The following TBCD variants were observed in gnomAD, a reference collection of about 807,000 sequenced individuals.
TBCD encodes tubulin-specific chaperone D.
A neutral mutation model predicts 169.3 loss-of-function variants in TBCD; 105 were observed. The observed-to-expected ratio is 0.62, with a 90% CI of 0.53 to 0.73. The LOEUF is 0.73. TBCD is among the 30% of genes least tolerant of loss of function. The pLI, the probability that TBCD is intolerant of heterozygous loss-of-function variation, is 0.00. For missense variants in TBCD, 1,444 were observed against 1,600.1 expected, an observed-to-expected ratio of 0.90 and a Z score of 1.66; for synonymous variants, 700 against 643.9, an observed-to-expected ratio of 1.09 and a Z score of -1.32.
At chr17:82,868,883 T>A (rs904507169) in intron 13 of TBCD, among the ~76,000 whole-genome samples, 2 of 150,688 alleles carry the variant, frequency 1.3e-5, no homozygotes, top group African/African-American at 2.5e-5. Context: ...GTGTGAAGTG[T>A]ACAGACGGCG....
At chr17:82,774,422 C>A (rs749376770) in intron 6 of TBCD, among the ~76,000 whole-genome samples, 1 of 152,228 alleles carries the variant, frequency 6.6e-6, no homozygotes, top group Non-Finnish European at 1.5e-5. Flanking sequence ...TAGTACAGAA[C>A]AAAATCGAGT....
Position 82,845,128 on chromosome 17 carries a change from G to A in TBCD, c.1319-25096G>A, listed in dbSNP as rs116221180. ...GCTGGCGCCGCGGCCTCTGTGTCAG[G>A]GCCTCTTTCCCTAGGGGCACACAGG... On this transcript the variant is annotated intron_variant, in intron 13 of 38. Transcript: ENST00000355528. Among the ~76,000 whole-genome samples the A allele has an allele frequency of 7.7e-3, 1,173 of 152,198 alleles. 14 individuals carry two copies. Among genetic ancestry groups the A allele is most frequent in the African/African-American group, 0.027 (1,121 of 41,524 alleles).
At chr17:82,766,142 T>C (rs1042057525) in intron 3 of TBCD, 125 bp from the exon 4 acceptor site, 8 of 742,996 alleles carry the variant, frequency 1.1e-5, no homozygotes, top group South Asian at 1.8e-5. Context: ...GTCACTGTAA[T>C]GTCACAGAAT....
intron 13 of TBCD, among the ~76,000 whole-genome samples, chr17:82,855,993 C>CTTTTTTTTTTTTTT (rs60978063): frequency 6.0e-5 from 4 of 66,274 alleles, no homozygotes; most frequent in African/African-American, 2.1e-4. Flanking sequence ...TCCCCCCCCA[C>CTTTTTTTTTTTTTT]TTTTTTTTTT....
chr17:82,883,863 G>A (rs1379174322), intron 14 of TBCD, among the ~76,000 whole-genome samples: 1 of 152,222 alleles, frequency 6.6e-6, no homozygotes, highest in Non-Finnish European at 1.5e-5. Flanking sequence ...CCCAGGCCCT[G>A]TCCTCGTGGC....
chr17:82,793,830 C>G (rs1417675780), intron 7 of TBCD, among the ~76,000 whole-genome samples: 1 of 152,010 alleles, frequency 6.6e-6, no homozygotes, highest in African/African-American at 2.4e-5. Flanking sequence ...CCTCCGTGTG[C>G]TGAGCCTGCG....
intron 13 of TBCD, among the ~76,000 whole-genome samples, chr17:82,850,003 C>T (rs1287344761): frequency 1.4e-5 from 2 of 142,594 alleles, no homozygotes; most frequent in East Asian, 2.0e-4. Context: ...GTTGGCTGTG[C>T]TGCTGTTGGC....
rs2145257071 is a variant in TBCD, at chr17:82,831,352, G to A, written c.1318+16418G>A. The A allele has an allele frequency of 1.9e-6, 3 of 1,614,094 alleles. No homozygotes were observed. The highest frequency in any genetic ancestry group is 2.2e-5 in the South Asian group (2 of 91,074). On this transcript the variant is annotated intron_variant, in intron 13 of 38. Transcript: ENST00000355528. This position sits in a 1 kb window ranked among gnomAD's most constrained non-coding sequence, Gnocchi z 4.6. ...CTCGACGTGTTTTCTGTTGGGGTCC[G>A]AAGGGTTTAACCTGGAAGGACTCGA...
chr17:82,836,703 A>ACAAAT (rs2054010958), intron 13 of TBCD, among the ~76,000 whole-genome samples: 1 of 148,550 alleles, frequency 6.7e-6, no homozygotes, highest in African/African-American at 2.6e-5. Context: ...AAAAAACAAA[A>ACAAAT]CAAAACAAAA....
At chr17:82,940,103 G>C (rs1001507930) in intron 37 of TBCD, among the ~76,000 whole-genome samples, 8 of 152,154 alleles carry the variant, frequency 5.3e-5, no homozygotes, top group African/African-American at 1.9e-4. Context: ...AGTGGGGAAA[G>C]TGCAGGCTCA....
Position 82,789,695 on chromosome 17 carries a change from GC to G in TBCD, c.771+7975del. Among the ~76,000 whole-genome samples the G allele has an allele frequency of 6.6e-6, 1 of 152,322 alleles. No homozygotes were observed. Among genetic ancestry groups the G allele is most frequent in the African/African-American group, 2.4e-5 (1 of 41,580 alleles). On this transcript the variant is annotated intron_variant, in intron 7 of 38. Transcript: ENST00000355528. The surrounding 1 kb of genome is among the most constrained non-coding windows in gnomAD (Gnocchi z 4.8). Reference sequence around the variant, plus strand: ...TCCCTCTAAGGCAGATGTCCCTCAGGCTTTGGTCCTGGCTGTTGATATCTCA... The same window carrying G: ...TCCCTCTAAGGCAGATGTCCCTCAGGTTTGGTCCTGGCTGTTGATATCTCA...
At position 82,930,457 on chromosome 17, in the gene TBCD, A is replaced by G. The variant is rs2062104483; in HGVS notation, c.2992-65A>G. The stretch of plus-strand genomic sequence containing the variant: ...CTTCAGCAGATGCTTGACCGGCTGT[A>G]GCCAAGCCTGAGGGGTGGCAGGCTC... On this transcript the variant is annotated intron_variant, in intron 32 of 38. Transcript: ENST00000355528. This position sits in a 1 kb window ranked among gnomAD's most constrained non-coding sequence, Gnocchi z 5.2. The G allele has an allele frequency of 6.3e-6, 10 of 1,580,854 alleles. No homozygotes were observed. The African/African-American group carries it at 6.7e-5, about 11-fold the overall frequency.
chr17:82,819,881 A>T (rs569310856), intron 13 of TBCD, among the ~76,000 whole-genome samples: 6 of 152,050 alleles, frequency 3.9e-5, no homozygotes, highest in Admixed American at 6.5e-5. Context: ...ACTCCTCACC[A>T]TGAGTAAGCT....
intron 5 of TBCD, among the ~76,000 whole-genome samples, chr17:82,770,744 G>A (rs1327205554): frequency 6.6e-6 from 1 of 151,486 alleles, no homozygotes; most frequent in Non-Finnish European, 1.5e-5. Context: ...GGCCGGGCAC[G>A]GTGGCTCACA....
In TBCD at chr17:82,930,496, C is replaced by T; in HGVS notation, c.2992-26C>T. On this transcript the variant is annotated intron_variant, in intron 32 of 38. Coordinates refer to ENST00000355528, the MANE Select transcript of TBCD (RefSeq NM_005993.5). The surrounding 1 kb of genome is among the most constrained non-coding windows in gnomAD (Gnocchi z 5.2). ...GGTGGCAGGCTCGGGGGTCCCACTGCCTTCTGAGGTGTCTCCGTGTTGCAG... is the reference window on the plus strand; with the variant it reads ...GGTGGCAGGCTCGGGGGTCCCACTGTCTTCTGAGGTGTCTCCGTGTTGCAG... 2.5e-6 allele frequency: 4 copies of T among 1,608,890 alleles called. No individual in the cohort carries two copies. The South Asian group carries it at 3.3e-5, about 13-fold the overall frequency.
chr17:82,841,339 A>G (rs565073360), intron 13 of TBCD, among the ~76,000 whole-genome samples: 9 of 149,554 alleles, frequency 6.0e-5, no homozygotes, highest in African/African-American at 2.2e-4. Context: ...TTCTTTTGAG[A>G]CAGGGTCTTG....
At chr17:82,898,300 C>T (rs1408239926) in intron 17 of TBCD, among the ~76,000 whole-genome samples, 1 of 25,074 alleles carries the variant, frequency 4.0e-5, no homozygotes, top group Admixed American at 4.5e-4. Context: ...TGGGAGCACA[C>T]GGCACGGCTC....
Position 82,920,911 on chromosome 17 carries a change from C to T in TBCD, c.2101+293C>T, listed in dbSNP as rs989902691. On this transcript the variant is annotated intron_variant, in intron 24 of 38. Coordinates refer to ENST00000355528, the MANE Select transcript of TBCD (RefSeq NM_005993.5). The surrounding 1 kb of genome is among the most constrained non-coding windows in gnomAD (Gnocchi z 4.1). ...TGGGTCAGTTCTTCTCCCAGGCAGA[C>T]AGTCGGGAGCTGCAGCCACCCAGGC... 6 of 411,392 alleles carry T rather than the reference C, an allele frequency of 1.5e-5. No homozygotes were observed. The highest frequency in any genetic ancestry group is 4.2e-5 in the Admixed American group (1 of 24,040). 25.5% of individuals were successfully genotyped at this position (411,392 alleles called of 1,614,324 possible).
chr17:82,770,437 T>TA (rs1384616011), intron 5 of TBCD, among the ~76,000 whole-genome samples: 1 of 151,754 alleles, frequency 6.6e-6, no homozygotes, highest in Non-Finnish European at 1.5e-5. Flanking sequence ...TTGTCTCTAC[T>TA]AAAAATACAA....
Sources: allele counts gnomAD v4.1 joint callset (sites outside exome capture counted in the v4.1 genomes callset), GRCh38; gene constraint gnomAD v4.1.1; non-coding constraint Gnocchi (gnomAD v3.1); transcripts MANE v1.5; gene names NCBI Gene and HGNC (gene_info 2026-07-23, HGNC 2026-07-21).